DNAJB14: variants seen among roughly 807,000 people sequenced by gnomAD.
DNAJB14 encodes the protein dnaJ homolog subfamily B member 14.
In DNAJB14, 22 loss-of-function variants were observed where a neutral mutation model predicts 48.4. The observed-to-expected ratio is 0.45, with a 90% CI of 0.32 to 0.65. DNAJB14 has a LOEUF of 0.65. Ranked by LOEUF, DNAJB14 falls within the 30% of genes least tolerant of loss-of-function variation. The pLI is 0.03. For synonymous variants in DNAJB14, 142 were observed against 158.7 expected (o/e 0.89, Z 0.79); for missense variants, 319 against 458.8 (o/e 0.70, Z 2.78).
chr4:99,946,560 G>A lies in DNAJB14; in HGVS notation c.12C>T (p.Asn4=). The change falls in exon 1 of 8, where the codon AAC becomes AAT. Residue 4 remains asparagine (N), a synonymous_variant. Transcript: ENST00000442697. ...CGACACATTTCTCAGCCTCATCCCT[G>A]TTCCCCTCCATAGCTTGCTCCTTCT... MEG[N]RDEAEKCVEI... 2 of 1,613,774 alleles carry A rather than the reference G, an allele frequency of 1.2e-6. No individual in the cohort carries two copies. Among genetic ancestry groups the A allele is most frequent in the East Asian group, 2.2e-5 (1 of 44,832 alleles).
At chr4:99,925,162 T>A in intron 2 of DNAJB14, 1 of 232,068 alleles carries the variant, frequency 4.3e-6, no homozygotes, top group Admixed American at 5.4e-5. Flanking sequence ...CCTTTACACA[T>A]CTTCCCATGT....
chr4:99,937,923 T>TAAA (rs373465440), intron 1 of DNAJB14, among the ~76,000 whole-genome samples: 3 of 119,946 alleles, frequency 2.5e-5, no homozygotes, highest in South Asian at 5.4e-4. Context: ...TCTATTTATT[T>TAAA]AAAAAAAAAA....
At chr4:99,903,004 C>A (rs1484260351) in intron 7 of DNAJB14, among the ~76,000 whole-genome samples, 2 of 152,138 alleles carry the variant, frequency 1.3e-5, no homozygotes, top group Non-Finnish European at 2.9e-5. Flanking sequence ...ATAGAGGTTA[C>A]AATTCGTCAG....
At chr4:99,946,291 G>A in intron 1 of DNAJB14, 148 bp downstream of exon 1, 1 of 1,264,164 alleles carries the variant, frequency 7.9e-7, no homozygotes, top group South Asian at 1.4e-5. Flanking sequence ...GGGTGTGTCG[G>A]GATGCTCCCC....
intron 1 of DNAJB14, among the ~76,000 whole-genome samples, chr4:99,939,007 A>ATTTT (rs1726793188): frequency 6.6e-6 from 1 of 152,200 alleles, no homozygotes; most frequent in African/African-American, 2.4e-5. Flanking sequence ...CCAATAAAAA[A>ATTTT]AAAAACTTTT....
intron 1 of DNAJB14, among the ~76,000 whole-genome samples, chr4:99,940,532 G>C (rs558668462): frequency 6.6e-6 from 1 of 152,036 alleles, no homozygotes; most frequent in African/African-American, 2.4e-5. Flanking sequence ...CGGAGGTTGC[G>C]GTGAGCTGAG....
At position 99,905,819 on chromosome 4, in the gene DNAJB14, T is replaced by C. The variant is rs1725444235; in HGVS notation, c.733-113A>G. Reference sequence around the variant, plus strand: ...GCGCATTTGAGATCATCTAGTTCAGTGCTTTCAAATCTGCGTAACCATGCC... The same window carrying C: ...GCGCATTTGAGATCATCTAGTTCAGCGCTTTCAAATCTGCGTAACCATGCC... On this transcript the variant is annotated intron_variant, in intron 5 of 7. Transcript: ENST00000442697. 3.1e-6 allele frequency: 4 copies of C among 1,292,600 alleles called. 1 individual carries two copies. The highest frequency in any genetic ancestry group is 4.3e-6 in the Non-Finnish European group (4 of 931,380). 80.1% of individuals were successfully genotyped at this position (1,292,600 alleles called of 1,614,324 possible).
intron 1 of DNAJB14, among the ~76,000 whole-genome samples, chr4:99,944,722 G>C (rs1031896014): frequency 6.6e-6 from 1 of 151,908 alleles, no homozygotes; most frequent in Non-Finnish European, 1.5e-5. Flanking sequence ...TTACAGGCAT[G>C]CACCACCACG....
At chr4:99,932,493 T>TA (rs1726512611) in intron 1 of DNAJB14, among the ~76,000 whole-genome samples, 1 of 152,070 alleles carries the variant, frequency 6.6e-6, no homozygotes, top group Non-Finnish European at 1.5e-5. Context: ...ATCCAAAAGA[T>TA]GAACAATAGC....
intron 1 of DNAJB14, 78 bp from the exon 2 acceptor site, chr4:99,930,699 A>G: frequency 6.9e-7 from 1 of 1,444,118 alleles, no homozygotes; most frequent in Non-Finnish European, 9.3e-7. Context: ...GTTTTAAAGC[A>G]GACAAATTAT....
chr4:99,916,679 T>A (rs1383495808), intron 3 of DNAJB14, among the ~76,000 whole-genome samples: 1 of 152,190 alleles, frequency 6.6e-6, no homozygotes, highest in East Asian at 1.9e-4. Context: ...TTTGTATAAC[T>A]TTTTAGCGGT....
Position 99,908,826 on chromosome 4 carries a change from T to C in DNAJB14, c.522A>G (p.Glu174=), listed in dbSNP as rs367558950. The C allele has an allele frequency of 6.2e-7, 1 of 1,611,730 alleles. No homozygotes were observed. The highest frequency in any genetic ancestry group is 8.5e-7 in the Non-Finnish European group (1 of 1,178,736). The change falls in exon 4 of 8, where the codon GAA becomes GAG. Residue 174 remains glutamate, a synonymous_variant. Coordinates refer to ENST00000442697, the MANE Select transcript of DNAJB14 (RefSeq NM_001031723.4). ...KRKQYDLTGN[E]EQACNHQNNG... ...TGTTTTGGTGGTTACATGCTTGTTC[T>C]TCATTGCCCGTGAGGTCATACTGTT...
rs1449512222 is a variant in DNAJB14 at position 99,897,802 on chromosome 4, T to C, written c.*3226A>G. ...CACTCATTATGAAGATGGATAGTAATAGGATAGTACTGAACCCAAGCTTCA... is the reference window on the plus strand; with the variant it reads ...CACTCATTATGAAGATGGATAGTAACAGGATAGTACTGAACCCAAGCTTCA... On this transcript the variant is annotated 3_prime_UTR_variant, in exon 8 of 8. Coordinates refer to ENST00000442697, the MANE Select transcript of DNAJB14 (RefSeq NM_001031723.4). 3 of 152,130 alleles carry C rather than the reference T, an allele frequency of 2.0e-5. No homozygotes were observed. Among genetic ancestry groups the C allele is most frequent in the Admixed American group, 6.5e-5 (1 of 15,292 alleles). 9.4% of individuals were successfully genotyped at this position (152,130 alleles called of 1,614,324 possible).
chr4:99,946,433 T>C lies in DNAJB14; in HGVS notation c.133+6A>G. 6.2e-7 allele frequency: 1 copy of C among 1,608,928 alleles called. No homozygotes were observed. The highest frequency in any genetic ancestry group is 1.7e-4 in the Middle Eastern group (1 of 6,032). On this transcript the variant is annotated splice_donor_region_variant and intron_variant, in intron 1 of 7. Coordinates refer to ENST00000442697, the MANE Select transcript of DNAJB14 (RefSeq NM_001031723.4). Reference sequence around the variant, plus strand: ...GGCAGGAAGAGAAGGGACGCTGAGGTCTCACCGCGGGCCGAGGGCAGTGGG... The same window carrying C: ...GGCAGGAAGAGAAGGGACGCTGAGGCCTCACCGCGGGCCGAGGGCAGTGGG...
intron 2 of DNAJB14, chr4:99,924,710 A>C (rs1271225709): frequency 2.5e-6 from 4 of 1,607,024 alleles, no homozygotes; most frequent in Non-Finnish European, 3.4e-6. Flanking sequence ...AATGTTTAGA[A>C]GCTATGTGAT....
At chr4:99,921,450 G>T (rs2110207345) in intron 3 of DNAJB14, among the ~76,000 whole-genome samples, 1 of 152,272 alleles carries the variant, frequency 6.6e-6, no homozygotes, top group East Asian at 1.9e-4. Context: ...ACAGGCTGCA[G>T]AAATATGTTA....
chr4:99,902,203 T>C (rs1021231603), intron 7 of DNAJB14, among the ~76,000 whole-genome samples: 1 of 152,076 alleles, frequency 6.6e-6, no homozygotes, highest in Non-Finnish European at 1.5e-5. Context: ...CCTAATATTC[T>C]TTCCATTATT....
At chr4:99,940,706 T>C (rs1329500666) in intron 1 of DNAJB14, among the ~76,000 whole-genome samples, 1 of 151,864 alleles carries the variant, frequency 6.6e-6, no homozygotes, top group Non-Finnish European at 1.5e-5. Context: ...TCTAGTTAGC[T>C]AGCTGTCTAG....
chr4:99,934,227 A>C (rs1337975960), intron 1 of DNAJB14, among the ~76,000 whole-genome samples: 1 of 152,210 alleles, frequency 6.6e-6, no homozygotes, highest in Non-Finnish European at 1.5e-5. Context: ...CTCATTTAGC[A>C]AGGTGACATT....
Sources: gnomAD v4.1 joint callset for allele counts (sites outside exome capture counted in the v4.1 genomes callset) on GRCh38, gnomAD v4.1.1 for gene constraint, MANE v1.5 for transcripts, NCBI Gene and HGNC (gene_info 2026-07-23, HGNC 2026-07-21) for gene names.